Variants in UBE3A observed in about 807,000 individuals in gnomAD.
UBE3A encodes ubiquitin-protein ligase E3A.
In UBE3A, 6 loss-of-function variants were observed where a neutral mutation model predicts 83.4. The ratio of observed to expected loss-of-function variants is 0.07; its 90% confidence interval spans 0.04 to 0.14. The LOEUF (loss-of-function observed/expected upper bound fraction) is 0.14, where lower values mean the gene tolerates loss of function less well. UBE3A is among the 10% of genes least tolerant of loss of function. UBE3A has a pLI of 1.00. For synonymous variants in UBE3A, 337 were observed against 355.4 expected, an observed-to-expected ratio of 0.95 and a Z score of 0.58; for missense variants, 456 against 1,036.1, an observed-to-expected ratio of 0.44 and a Z score of 7.69.
chr15:25,339,013 C>T lies in UBE3A; in HGVS notation c.*124G>A. On this transcript the variant is annotated 3_prime_UTR_variant, in exon 13 of 13. Coordinates refer to ENST00000648336, the MANE Select transcript of UBE3A (RefSeq NM_130839.5). ...GTGACTACTGTGGTTGACTATCTTA[C>T]AGCCTTTTTGTACTGGGACACTATC... is the stretch of plus-strand genomic sequence containing the variant. 2.6e-6 allele frequency: 3 copies of T among 1,145,444 alleles called. No individual in the cohort carries two copies. The highest frequency in any genetic ancestry group is 1.8e-5 in the South Asian group (1 of 54,842). The allele number at this position is 1,145,444 out of a possible 1,614,324, so 71.0% of individuals were successfully genotyped here. A position where few individuals can be genotyped will look rare whatever the true frequency, so the allele number is the denominator to read the frequency against.
intron 1 of UBE3A, among the ~76,000 whole-genome samples, chr15:25,430,159 A>G (rs1208821911): frequency 0.011 from 261 of 22,864 alleles, 6 homozygotes; most frequent in Non-Finnish European, 0.014. Flanking sequence ...ATACATATAT[A>G]TAAGATTATA....
chr15:25,405,719 G>A, intron 3 of UBE3A: 1 of 568,810 alleles, frequency 1.8e-6, no homozygotes, highest in Non-Finnish European at 3.1e-6. Context: ...CTCAATGCAT[G>A]TTTTTTAAAG....
intron 1 of UBE3A, among the ~76,000 whole-genome samples, chr15:25,424,799 A>T (rs1378631656): frequency 2.6e-5 from 4 of 152,210 alleles, no homozygotes; most frequent in Non-Finnish European, 5.9e-5. Context: ...CTTAGAAATA[A>T]ATTTTTAAAG....
In UBE3A at chr15:25,336,168, G is replaced by C. The variant is rs929848425; in HGVS notation, c.*2969C>G. The C allele has an allele frequency of 2.0e-5, 3 of 152,186 alleles. No homozygotes were observed. The highest frequency in any genetic ancestry group is 7.2e-5 in the African/African-American group (3 of 41,440). The allele number at this position is 152,186 out of a possible 1,614,324, so 9.4% of individuals were successfully genotyped here. ...CAATTCTTTACACACTAACACTGTT[G>C]AGGTAAAAGGAGACAAGTGAGGGAG... On this transcript the variant is annotated 3_prime_UTR_variant, in exon 13 of 13. Coordinates refer to ENST00000648336, the MANE Select transcript of UBE3A (RefSeq NM_130839.5).
intron 9 of UBE3A, 67 bp downstream of exon 9, chr15:25,355,825 A>G: frequency 6.8e-7 from 1 of 1,463,582 alleles, no homozygotes. Context: ...TTCTTTAAAA[A>G]TTATAAGCAT....
rs956845429 is a variant in UBE3A at position 25,333,937 on chromosome 15, T to C, written c.*5200A>G. ...TTAAAAAACACTCAGTAAACTAGGT[T>C]TAATAAAAGAATTTCCTCAACTTGA... On this transcript the variant is annotated 3_prime_UTR_variant, in exon 13 of 13. Transcript: ENST00000648336. 2.0e-5 allele frequency: 3 copies of C among 151,828 alleles called. No individual in the cohort carries two copies. Among genetic ancestry groups the C allele is most frequent in the African/African-American group, 7.3e-5 (3 of 41,332 alleles). 9.4% of individuals were successfully genotyped at this position (151,828 alleles called of 1,614,324 possible).
intron 4 of UBE3A, among the ~76,000 whole-genome samples, chr15:25,381,015 G>C (rs2082082969): frequency 6.6e-6 from 1 of 152,194 alleles, no homozygotes; most frequent in Non-Finnish European, 1.5e-5. Flanking sequence ...TAGACAACTT[G>C]ACAGCAATCA....
At chr15:25,372,985 T>C (rs529436217) in intron 5 of UBE3A, among the ~76,000 whole-genome samples, 12 of 152,270 alleles carry the variant, frequency 7.9e-5, no homozygotes, top group Non-Finnish European at 1.5e-4. Context: ...AATACCAAAT[T>C]TTATCATACT....
chr15:25,415,214 C>A (rs1462311836), intron 1 of UBE3A, among the ~76,000 whole-genome samples: 1 of 152,192 alleles, frequency 6.6e-6, no homozygotes, highest in East Asian at 1.9e-4. Flanking sequence ...TTGCCTTTAT[C>A]CTCAACTTTG....
At position 25,438,834 on chromosome 15, in the gene UBE3A, G is replaced by C. The variant is rs1036685299; in HGVS notation, c.-510C>G. 1 of 152,816 alleles carries C rather than the reference G, an allele frequency of 6.5e-6. No homozygotes were observed. The highest frequency in any genetic ancestry group is 1.9e-4 in the East Asian group (1 of 5,176). 9.5% of individuals were successfully genotyped at this position (152,816 alleles called of 1,614,324 possible). A position where few individuals can be genotyped will look rare whatever the true frequency, so the allele number is the denominator to read the frequency against. On this transcript the variant is annotated 5_prime_UTR_variant, in exon 1 of 13. Transcript: ENST00000648336. Reference sequence around the variant, plus strand: ...GGTCGGCAGAGGTGAAGCGTAAGTAGGCGGCGGATGGCGGGCGCCCGCGCT... The same window carrying C: ...GGTCGGCAGAGGTGAAGCGTAAGTACGCGGCGGATGGCGGGCGCCCGCGCT...
intron 4 of UBE3A, among the ~76,000 whole-genome samples, chr15:25,395,266 C>T (rs2085294827): frequency 6.6e-6 from 1 of 152,136 alleles, no homozygotes; most frequent in Non-Finnish European, 1.5e-5. Flanking sequence ...AGATGGGAAG[C>T]CTCTGAAAAG....
intron 1 of UBE3A, among the ~76,000 whole-genome samples, chr15:25,413,721 T>A (rs541084489): frequency 2.0e-5 from 3 of 152,342 alleles, no homozygotes; most frequent in East Asian, 3.9e-4. Context: ...TCAGCTGCTA[T>A]TTTTCTATCT....
chr15:25,416,915 ACAG>A (rs1287168265), intron 1 of UBE3A, among the ~76,000 whole-genome samples: 2 of 152,110 alleles, frequency 1.3e-5, no homozygotes, highest in Non-Finnish European at 2.9e-5. Flanking sequence ...CAGTGAGAAG[ACAG>A]CAGTTTTACT....
intron 11 of UBE3A, among the ~76,000 whole-genome samples, chr15:25,352,095 T>C (rs1480972658): frequency 6.6e-6 from 1 of 152,146 alleles, no homozygotes; most frequent in Non-Finnish European, 1.5e-5. Flanking sequence ...CTCAGGAGGC[T>C]GAGGCAGGAG....
chr15:25,395,183 C>T (rs35861025), intron 4 of UBE3A, among the ~76,000 whole-genome samples: 18,103 of 151,998 alleles, frequency 0.12, 1,150 homozygotes, highest in Middle Eastern at 0.23. Flanking sequence ...TGAGCAAGTG[C>T]GGTAGAGAGA....
intron 11 of UBE3A, among the ~76,000 whole-genome samples, chr15:25,345,180 T>C (rs2075462464): frequency 6.6e-6 from 1 of 152,048 alleles, no homozygotes; most frequent in South Asian, 2.1e-4. Flanking sequence ...GCCAACCCAC[T>C]GGAAAGCACA....
At chr15:25,408,467 A>C in intron 3 of UBE3A, 1 of 1,084,408 alleles carries the variant, frequency 9.2e-7, no homozygotes. Context: ...TTTAAAACTG[A>C]AACAATAACC....
intron 1 of UBE3A, among the ~76,000 whole-genome samples, chr15:25,412,435 T>C (rs536524449): frequency 6.6e-6 from 1 of 152,318 alleles, no homozygotes; most frequent in South Asian, 2.1e-4. Context: ...GAGTCTCCAA[T>C]GTCAGGTTAT....
intron 11 of UBE3A, among the ~76,000 whole-genome samples, chr15:25,349,857 A>T (rs1006425371): frequency 6.6e-6 from 1 of 152,210 alleles, no homozygotes; most frequent in Admixed American, 6.5e-5. Flanking sequence ...CAGTAGACTA[A>T]AAGTGGTGGG....
Sources: gnomAD v4.1 joint callset for allele counts (sites outside exome capture counted in the v4.1 genomes callset) on GRCh38, gnomAD v4.1.1 for gene constraint, MANE v1.5 for transcripts, NCBI Gene and HGNC (gene_info 2026-07-23, HGNC 2026-07-21) for gene names.